Variants in GAD1 observed in about 807,000 individuals in gnomAD.
The protein encoded by GAD1 is glutamate decarboxylase 1.
In GAD1, 35 loss-of-function variants were observed where a neutral mutation model predicts 75.2. That is an observed-to-expected ratio of 0.47 (90% confidence interval 0.36 to 0.62). The LOEUF (loss-of-function observed/expected upper bound fraction) is 0.62, where lower values mean the gene tolerates loss of function less well. Among genes scored for constraint, GAD1 ranks in the 20% least tolerant of loss-of-function variants. The pLI is 0.00. For missense variants in GAD1, 490 were observed against 758.5 expected, an observed-to-expected ratio of 0.65 and a Z score of 4.16; for synonymous variants, 257 against 271.9, an observed-to-expected ratio of 0.95 and a Z score of 0.54.
intron 11 of GAD1, among the ~76,000 whole-genome samples, chr2:170,848,505 A>G (rs1478448851): frequency 1.3e-5 from 2 of 151,854 alleles, no homozygotes; most frequent in Non-Finnish European, 2.9e-5. Flanking sequence ...TCAAAAAAAA[A>G]AAAAAAAGAA....
intron 13 of GAD1, 61 bp downstream of exon 13, chr2:170,852,853 C>A (rs1702775048): frequency 7.0e-7 from 1 of 1,427,206 alleles, no homozygotes; most frequent in Non-Finnish European, 9.9e-7. Context: ...CACAAAAAGA[C>A]ACACGTGGGG....
chr2:170,849,480 A>G, intron 12 of GAD1, 130 bp downstream of exon 12: 2 of 837,308 alleles, frequency 2.4e-6, no homozygotes, highest in Non-Finnish European at 4.0e-6. Context: ...TCAGTTCAGC[A>G]GGCATTTGTT....
At chr2:170,832,656 G>A (rs997471563) in intron 5 of GAD1, among the ~76,000 whole-genome samples, 17 of 39,176 alleles carry the variant, frequency 4.3e-4, no homozygotes, top group East Asian at 0.011. Context: ...ACACATGCGC[G>A]CGCGCGCGCA....
chr2:170,824,423 C>T (rs1215080948), intron 3 of GAD1, among the ~76,000 whole-genome samples: 1 of 143,582 alleles, frequency 7.0e-6, no homozygotes, highest in African/African-American at 2.6e-5. Context: ...ACACACACCC[C>T]TCCCTTCATC....
chr2:170,847,031 A>G (rs1702648062), intron 10 of GAD1, among the ~76,000 whole-genome samples: 1 of 152,216 alleles, frequency 6.6e-6, no homozygotes, highest in South Asian at 2.1e-4. Flanking sequence ...TAAGATTCAC[A>G]GATTTCCCCA....
In GAD1 at chr2:170,829,721, A is replaced by G. The variant is rs1575430559; in HGVS notation, c.304+88A>G. On this transcript the variant is annotated intron_variant, in intron 4 of 16. Transcript: ENST00000358196. ...TTTTTCCTGCAATTTTACTTCTTTT[A>G]TCAAGAAATGTCATTATTCTCTCTG... The G allele has an allele frequency of 5.7e-6, 8 of 1,414,076 alleles. No individual in the cohort carries two copies. In the East Asian group the frequency reaches 1.6e-4, roughly 29 times the overall value. The allele number at this position is 1,414,076 out of a possible 1,614,324, so 87.6% of individuals were successfully genotyped here. A position where few individuals can be genotyped will look rare whatever the true frequency, so the allele number is the denominator to read the frequency against.
rs1300078227 is a variant in GAD1, at chr2:170,845,625, A to G, written c.867+4A>G. On this transcript the variant is annotated splice_donor_region_variant and intron_variant, in intron 8 of 16. Transcript: ENST00000358196. ...GGTCCTCTTCACCTCAGAACAGGTG[A>G]GTCGGGGATGCTTTCTCATGGATAG... is the stretch of plus-strand genomic sequence containing the variant. The G allele has an allele frequency of 6.2e-7, 1 of 1,613,574 alleles. No homozygotes were observed. The highest frequency in any genetic ancestry group is 1.7e-5 in the Admixed American group (1 of 60,000).
chr2:170,826,965 A>G (rs549141626), intron 3 of GAD1, among the ~76,000 whole-genome samples: 2 of 152,322 alleles, frequency 1.3e-5, no homozygotes, highest in East Asian at 3.9e-4. Flanking sequence ...GAAGTAGGCA[A>G]AGAGATATGG....
chr2:170,847,276 C>T (rs967081633), intron 10 of GAD1, among the ~76,000 whole-genome samples: 16 of 152,314 alleles, frequency 1.1e-4, no homozygotes, highest in African/African-American at 3.8e-4. Context: ...TCATTCCAAA[C>T]ACTTATTATT....
At chr2:170,856,194 G>T (rs1442525235) in intron 14 of GAD1, among the ~76,000 whole-genome samples, 1 of 152,182 alleles carries the variant, frequency 6.6e-6, no homozygotes, top group Non-Finnish European at 1.5e-5. Flanking sequence ...TTGTGCATCT[G>T]CTCTCCTTGT....
At chr2:170,840,653 T>TAGGGAAGGGAGGG (rs1702492284) in intron 6 of GAD1, among the ~76,000 whole-genome samples, 1 of 34,904 alleles carries the variant, frequency 2.9e-5, no homozygotes, top group Non-Finnish European at 5.5e-5. Context: ...AGGAGGGAGG[T>TAGGGAAGGGAGGG]AGGGAAGGGA....
intron 3 of GAD1, chr2:170,829,034 C>T: frequency 3.3e-6 from 1 of 303,114 alleles, no homozygotes; most frequent in South Asian, 3.1e-5. Flanking sequence ...CCTCCTCCCT[C>T]AGCTGTCCTC....
chr2:170,819,717 T>C (rs1464615953), intron 2 of GAD1, among the ~76,000 whole-genome samples: 3 of 152,078 alleles, frequency 2.0e-5, no homozygotes, highest in Non-Finnish European at 4.4e-5. Context: ...GAGATGTAAT[T>C]AATTGTATGA....
In GAD1 at chr2:170,818,891, C is replaced by T. The variant is rs1701787349; in HGVS notation, c.82+218C>T. ...CCGGAAAGCGAGGACCACGCAAGGT[C>T]CGAGCAGCGGCGATCGTTGAGGGCT... On this transcript the variant is annotated intron_variant, in intron 2 of 16. Coordinates refer to ENST00000358196, the MANE Select transcript of GAD1 (RefSeq NM_000817.3). The surrounding 1 kb of genome is among the most constrained non-coding windows in gnomAD (Gnocchi z 5.9). Among the ~76,000 whole-genome samples the T allele has an allele frequency of 6.6e-6, 1 of 152,150 alleles. No homozygotes were observed. Among genetic ancestry groups the T allele is most frequent in the South Asian group, 2.1e-4 (1 of 4,826 alleles).
chr2:170,840,724 T>C (rs1213676756), intron 6 of GAD1, among the ~76,000 whole-genome samples: 1 of 141,404 alleles, frequency 7.1e-6, no homozygotes, highest in Non-Finnish European at 1.6e-5. Flanking sequence ...AAAAAAAAAT[T>C]AAAAAAAAAA....
At chr2:170,839,861 G>A (rs893042560) in intron 6 of GAD1, among the ~76,000 whole-genome samples, 1 of 152,070 alleles carries the variant, frequency 6.6e-6, no homozygotes, top group Non-Finnish European at 1.5e-5. Flanking sequence ...TAATCTTAAT[G>A]GCAAGATCTA....
At position 170,818,442 on chromosome 2, in the gene GAD1, G is replaced by T. The variant is rs1353395961; in HGVS notation, c.-63-87G>T. 1.3e-6 allele frequency: 1 copy of T among 753,016 alleles called. No individual in the cohort carries two copies. Among genetic ancestry groups the T allele is most frequent in the Non-Finnish European group, 2.4e-6 (1 of 415,062 alleles). The allele number at this position is 753,016 out of a possible 1,614,324, so 46.6% of individuals were successfully genotyped here. A position where few individuals can be genotyped will look rare whatever the true frequency, so the allele number is the denominator to read the frequency against. On this transcript the variant is annotated intron_variant, in intron 1 of 16. Transcript: ENST00000358196. This position sits in a 1 kb window ranked among gnomAD's most constrained non-coding sequence, Gnocchi z 5.9. ...TCTCTCCAGAGCCGGATCTTCAAGG[G>T]GAGCCTCCGTGCCCCCGGCTGCTCA...
intron 12 of GAD1, among the ~76,000 whole-genome samples, chr2:170,850,983 C>T (rs983876870): frequency 2.0e-5 from 3 of 151,854 alleles, no homozygotes; most frequent in African/African-American, 7.3e-5. Flanking sequence ...CGCTGCACTC[C>T]CGCCTGAGTG....
intron 10 of GAD1, among the ~76,000 whole-genome samples, chr2:170,847,081 TTTTG>T (rs1327591669): frequency 2.0e-5 from 3 of 152,256 alleles, no homozygotes; most frequent in Non-Finnish European, 2.9e-5. Context: ...TTCGTTTATT[TTTTG>T]TTTATGTCAA....
Sources: allele counts gnomAD v4.1 joint callset (sites outside exome capture counted in the v4.1 genomes callset), GRCh38; gene constraint gnomAD v4.1.1; non-coding constraint Gnocchi (gnomAD v3.1); transcripts MANE v1.5; gene names NCBI Gene and HGNC (gene_info 2026-07-23, HGNC 2026-07-21).